Variants in OCA2 observed in about 807,000 individuals in gnomAD.
The protein encoded by OCA2 is P protein.
Under a neutral mutation model 100.2 loss-of-function variants are expected in OCA2, and 77 were observed. The observed-to-expected ratio is 0.77, with a 90% CI of 0.64 to 0.93. The LOEUF is 0.93. Among genes scored for constraint, OCA2 ranks in the 40% least tolerant of loss-of-function variants. The pLI is 0.00. For synonymous variants in OCA2, 432 were observed against 439.2 expected (o/e 0.98, Z 0.21); for missense variants, 1,062 against 1,089.1 (o/e 0.98, Z 0.35).
At chr15:27,760,998 C>T (rs2150990488) in intron 23 of OCA2, among the ~76,000 whole-genome samples, 1 of 152,096 alleles carries the variant, frequency 6.6e-6, no homozygotes, top group East Asian at 1.9e-4. Flanking sequence ...CTACAGCTAA[C>T]ATAATACTTA....
intron 2 of OCA2, among the ~76,000 whole-genome samples, chr15:28,034,531 T>A (rs2042993526): frequency 6.6e-6 from 1 of 151,938 alleles, no homozygotes; most frequent in Admixed American, 6.6e-5. Flanking sequence ...ATCTCAGCAC[T>A]TTGGGAGGCC....
downstream of OCA2, among the ~76,000 whole-genome samples, chr15:27,752,868 T>G (rs1266596703): frequency 7.5e-6 from 1 of 133,348 alleles, no homozygotes; most frequent in East Asian, 2.5e-4. Context: ...GCACCATCCC[T>G]GGCTGCAGTC....
chr15:27,938,544 A>G (rs1474715229), intron 18 of OCA2, among the ~76,000 whole-genome samples: 1 of 152,180 alleles, frequency 6.6e-6, no homozygotes, highest in Non-Finnish European at 1.5e-5. Flanking sequence ...CCCTACAAAT[A>G]TGCCATTAGA....
chr15:27,889,149 G>C (rs529674593), intron 19 of OCA2, among the ~76,000 whole-genome samples: 3 of 152,312 alleles, frequency 2.0e-5, no homozygotes, highest in African/African-American at 7.2e-5. Flanking sequence ...AGGCTTTCTA[G>C]TAACCAAAAG....
intron 2 of OCA2, among the ~76,000 whole-genome samples, chr15:28,041,848 A>G (rs8040696): frequency 0.1 from 15,229 of 152,268 alleles, 1,897 homozygotes; most frequent in East Asian, 0.66. Flanking sequence ...AAGGCTCAAA[A>G]CCAAGACACA....
chr15:27,875,770 GT>G (rs937404887), intron 19 of OCA2, among the ~76,000 whole-genome samples: 4 of 151,632 alleles, frequency 2.6e-5, no homozygotes, highest in African/African-American at 9.7e-5. Context: ...GTTTCTTAGG[GT>G]TTTGGTATCA....
In OCA2 at chr15:28,043,457, A is replaced by C. The variant is rs905206399; in HGVS notation, c.228-11294T>G. ...ATCACAATAAAGAAGATTGGTGCCC[A>C]TTTTTTCTGGGGCTTACACACAGGT... On this transcript the variant is annotated intron_variant, in intron 2 of 23. Coordinates refer to ENST00000354638, the MANE Select transcript of OCA2 (RefSeq NM_000275.3). The surrounding 1 kb of genome is among the most constrained non-coding windows in gnomAD (Gnocchi z 4.4). 2.6e-5 allele frequency among the ~76,000 whole-genome samples: 4 copies of C among 152,132 alleles called. No individual in the cohort carries two copies. The highest frequency in any genetic ancestry group is 5.9e-5 in the Non-Finnish European group (4 of 68,024).
chr15:28,060,922 C>G (rs915862641), intron 2 of OCA2, among the ~76,000 whole-genome samples: 4 of 152,198 alleles, frequency 2.6e-5, no homozygotes, highest in African/African-American at 9.7e-5. Flanking sequence ...TGTATTGGAC[C>G]AGGCTCAGAG....
chr15:28,077,131 C>T (rs1196070658), intron 2 of OCA2, among the ~76,000 whole-genome samples: 1 of 151,328 alleles, frequency 6.6e-6, no homozygotes, highest in Non-Finnish European at 1.5e-5. Flanking sequence ...GAGATCTCAG[C>T]TTACTGCAAC....
chr15:28,034,809 G>A (rs1253260135), intron 2 of OCA2, among the ~76,000 whole-genome samples: 1 of 146,228 alleles, frequency 6.8e-6, no homozygotes, highest in Non-Finnish European at 1.5e-5. Context: ...ACTTAATAAT[G>A]AATGGGTTAA....
At chr15:27,742,573 G>C in the OCA2 span, among the ~76,000 whole-genome samples, 2 of 152,094 alleles carry the variant, frequency 1.3e-5, no homozygotes, top group Admixed American at 1.3e-4. Context: ...ATGCAGCACC[G>C]GGCCACCTTC....
intron 19 of OCA2, among the ~76,000 whole-genome samples, chr15:27,887,100 G>A (rs2037254711): frequency 6.6e-6 from 1 of 152,110 alleles, no homozygotes; most frequent in African/African-American, 2.4e-5. Context: ...TCTGCCTGCC[G>A]CCATCCATGT....
chr15:27,793,520 A>C (rs1566967581), intron 23 of OCA2, among the ~76,000 whole-genome samples: 1 of 152,172 alleles, frequency 6.6e-6, no homozygotes, highest in Non-Finnish European at 1.5e-5. Context: ...TGTATTTATT[A>C]CTAAAATAAT....
intron 23 of OCA2, among the ~76,000 whole-genome samples, chr15:27,776,267 C>G (rs2032206858): frequency 6.6e-6 from 1 of 152,186 alleles, no homozygotes; most frequent in Non-Finnish European, 1.5e-5. Context: ...GCCTCTTTGT[C>G]TCAGAAGCCA....
chr15:27,779,037 A>G (rs1021122406), intron 23 of OCA2, among the ~76,000 whole-genome samples: 5 of 152,252 alleles, frequency 3.3e-5, no homozygotes, highest in Non-Finnish European at 5.9e-5. Context: ...ATGAGACAGA[A>G]GTTTACTAAA....
intron 18 of OCA2, 77 bp downstream of exon 18, chr15:27,951,707 G>T: frequency 9.3e-7 from 1 of 1,079,954 alleles, no homozygotes; most frequent in Non-Finnish European, 1.4e-6. Flanking sequence ...GGCAAAGTCA[G>T]TGTCTGGGAA....
intron 18 of OCA2, among the ~76,000 whole-genome samples, chr15:27,942,687 TA>T (rs2039692699): frequency 6.6e-6 from 1 of 152,222 alleles, no homozygotes; most frequent in Admixed American, 6.5e-5. Context: ...TCTCCATTTT[TA>T]AAAAACTGAG....
intron 2 of OCA2, among the ~76,000 whole-genome samples, chr15:28,036,343 T>C (rs969389135): frequency 6.6e-6 from 1 of 152,184 alleles, no homozygotes; most frequent in Non-Finnish European, 1.5e-5. Context: ...TTGGTGCCCA[T>C]GGTCCTTTTG....
At chr15:28,001,940 C>T (rs2041941297) in intron 9 of OCA2, among the ~76,000 whole-genome samples, 1 of 152,128 alleles carries the variant, frequency 6.6e-6, no homozygotes, top group African/African-American at 2.4e-5. Flanking sequence ...CTGGAGAGGC[C>T]GAGAGCTGCC....
Sources: gnomAD v4.1 joint callset for allele counts (sites outside exome capture counted in the v4.1 genomes callset) on GRCh38, gnomAD v4.1.1 for gene constraint, Gnocchi (gnomAD v3.1) non-coding constraint, MANE v1.5 for transcripts, NCBI Gene and HGNC (gene_info 2026-07-23, HGNC 2026-07-21) for gene names.